The following CGNL1 variants were observed in gnomAD, a reference collection of about 807,000 sequenced individuals.
CGNL1 encodes cingulin like 1.
In CGNL1, 132 loss-of-function variants were observed where a neutral mutation model predicts 141.2. The ratio of observed to expected loss-of-function variants is 0.93; its 90% CI spans 0.81 to 1.08. The LOEUF is 1.08. Among genes scored for constraint, CGNL1 ranks in the 50% least tolerant of loss-of-function variants. The pLI, the probability that CGNL1 is intolerant of heterozygous loss-of-function variation, is 0.00. For synonymous variants in CGNL1, 690 were observed against 622.1 expected, an observed-to-expected ratio of 1.11 and a Z score of -1.63; for missense variants, 1,870 against 1,588.6, an observed-to-expected ratio of 1.18 and a Z score of -3.01.
At chr15:57,531,808 G>T in intron 14 of CGNL1, 29 bp downstream of exon 14, 1 of 1,382,012 alleles carries the variant, frequency 7.2e-7, no homozygotes, top group South Asian at 1.2e-5. Flanking sequence ...ATGATGCGTG[G>T]ATTGTCCTGT....
At chr15:57,402,135 C>G (rs1352050888) in intron 1 of CGNL1, 1 of 152,212 alleles carries the variant, frequency 6.6e-6, no homozygotes, top group Non-Finnish European at 1.5e-5. Context: ...GAGGTGGGGC[C>G]TGGTGGGAGG....
At chr15:57,410,341 C>T (rs2062772530) in intron 1 of CGNL1, among the ~76,000 whole-genome samples, 1 of 152,228 alleles carries the variant, frequency 6.6e-6, no homozygotes, top group South Asian at 2.1e-4. Flanking sequence ...ATGATAGTTC[C>T]TCAGTAAACC....
chr15:57,513,678 G>C (rs1460200646), intron 8 of CGNL1, among the ~76,000 whole-genome samples: 2 of 151,930 alleles, frequency 1.3e-5, no homozygotes, highest in Non-Finnish European at 2.9e-5. Flanking sequence ...CTGCTACCAT[G>C]CCTGGCTAAT....
intron 5 of CGNL1, 80 bp downstream of exon 5, chr15:57,451,681 C>T (rs2063323898): frequency 9.5e-7 from 1 of 1,055,586 alleles, no homozygotes; most frequent in African/African-American, 1.6e-5. Flanking sequence ...TTGGGATAAC[C>T]AGAGTGAAAG....
At chr15:57,457,687 G>A (rs2063396422) in intron 7 of CGNL1, among the ~76,000 whole-genome samples, 1 of 152,150 alleles carries the variant, frequency 6.6e-6, no homozygotes. Context: ...AGTGACAGGG[G>A]TTTCCGCTTA....
chr15:57,440,522 C>G, intron 3 of CGNL1, 51 bp downstream of exon 3: 4 of 1,361,082 alleles, frequency 2.9e-6, no homozygotes, highest in Non-Finnish European at 3.1e-6. Flanking sequence ...TCTGGTGGGA[C>G]TCTTAATTTC....
At chr15:57,473,535 G>T (rs1311352900) in intron 8 of CGNL1, among the ~76,000 whole-genome samples, 1 of 152,138 alleles carries the variant, frequency 6.6e-6, no homozygotes, top group Non-Finnish European at 1.5e-5. Context: ...CCCTTCCCAT[G>T]TCGAAAAGGT....
intron 13 of CGNL1, among the ~76,000 whole-genome samples, chr15:57,529,997 C>A (rs1260225274): frequency 6.6e-6 from 1 of 152,182 alleles, no homozygotes. Context: ...GGAGGTAATT[C>A]TAAGGCAAGC....
intron 4 of CGNL1, among the ~76,000 whole-genome samples, chr15:57,451,012 T>TA (rs1412489610): frequency 7.1e-5 from 1 of 14,164 alleles, no homozygotes; most frequent in East Asian, 2.2e-3. Flanking sequence ...ATTCTGCCAT[T>TA]AAAATAGAAA....
intron 1 of CGNL1, among the ~76,000 whole-genome samples, chr15:57,411,161 G>A (rs1359790486): frequency 2.6e-5 from 4 of 152,198 alleles, no homozygotes; most frequent in Admixed American, 6.5e-5. Flanking sequence ...CAGACACAGA[G>A]ACTTTTCTGA....
chr15:57,385,595 A>T (rs2062473955), intron 1 of CGNL1, among the ~76,000 whole-genome samples: 1 of 152,220 alleles, frequency 6.6e-6, no homozygotes, highest in African/African-American at 2.4e-5. Context: ...CTATTTGACG[A>T]TCACTAGGAG....
chr15:57,530,852 G>C (rs1184768725), intron 13 of CGNL1, among the ~76,000 whole-genome samples: 2 of 152,210 alleles, frequency 1.3e-5, no homozygotes, highest in African/African-American at 4.8e-5. Context: ...TTTGGCAATT[G>C]CAGAGACAAT....
At chr15:57,515,054 A>G (rs1470823974) in intron 8 of CGNL1, among the ~76,000 whole-genome samples, 2 of 152,100 alleles carry the variant, frequency 1.3e-5, no homozygotes, top group African/African-American at 4.8e-5. Context: ...GGCAATCTAG[A>G]CTTTTTCTTT....
intron 3 of CGNL1, among the ~76,000 whole-genome samples, chr15:57,441,373 T>A (rs1056055419): frequency 7.2e-5 from 11 of 152,150 alleles, no homozygotes; most frequent in Non-Finnish European, 1.3e-4. Context: ...TTCATTATTT[T>A]TTTTTTATTT....
chr15:57,396,198 G>T (rs534586168), intron 1 of CGNL1, among the ~76,000 whole-genome samples: 1 of 151,408 alleles, frequency 6.6e-6, no homozygotes, highest in Non-Finnish European at 1.5e-5. Flanking sequence ...CCTCACTGTT[G>T]ATCTCTTCTA....
chr15:57,465,256 A>G (rs568304841), intron 8 of CGNL1, among the ~76,000 whole-genome samples: 1 of 152,234 alleles, frequency 6.6e-6, no homozygotes, highest in South Asian at 2.1e-4. Context: ...AAATATTTGG[A>G]GGAGAGTGAA....
At chr15:57,511,073 A>G (rs1187779557) in intron 8 of CGNL1, among the ~76,000 whole-genome samples, 1 of 152,200 alleles carries the variant, frequency 6.6e-6, no homozygotes, top group Non-Finnish European at 1.5e-5. Flanking sequence ...ATGTATATTT[A>G]TTTTTAAAAA....
chr15:57,493,853 T>C lies in CGNL1; in HGVS notation c.2404-22927T>C, dbSNP rs137872454. Among the ~76,000 whole-genome samples, 1,193 of 152,302 alleles carry C rather than the reference T, an allele frequency of 7.8e-3. 17 individuals carry two copies. Among genetic ancestry groups the C allele is most frequent in the African/African-American group, 0.027 (1,114 of 41,556 alleles). The stretch of plus-strand genomic sequence containing the variant: ...TCCACAATCAGAGGTTTTCAACAAA[T>C]AAAAAGTAGTTATGGAGCTCCAATT... On this transcript the variant is annotated intron_variant, in intron 8 of 18. Transcript: ENST00000281282.
intron 4 of CGNL1, among the ~76,000 whole-genome samples, chr15:57,446,485 T>A (rs2063253429): frequency 1.3e-5 from 2 of 152,140 alleles, no homozygotes; most frequent in African/African-American, 4.8e-5. Context: ...TAATAAGTAT[T>A]CTCGTGTGTC....
Sources: allele counts gnomAD v4.1 joint callset (sites outside exome capture counted in the v4.1 genomes callset), GRCh38; gene constraint gnomAD v4.1.1; transcripts MANE v1.5; gene names NCBI Gene and HGNC (gene_info 2026-07-23, HGNC 2026-07-21).